Variants in SLC36A1 observed in about 807,000 individuals in gnomAD.
SLC36A1 encodes solute carrier family 36 member 1.
SLC36A1 carries 30 observed loss-of-function variants against 47.5 expected under a neutral mutation model. The ratio of observed to expected loss-of-function variants is 0.63; its 90% confidence interval spans 0.47 to 0.86. The LOEUF (loss-of-function observed/expected upper bound fraction) is 0.86, where lower values mean the gene tolerates loss of function less well. Among genes scored for constraint, SLC36A1 ranks in the 40% least tolerant of loss-of-function variants. The pLI, the probability that SLC36A1 is intolerant of heterozygous loss-of-function variation, is 0.00. For synonymous variants in SLC36A1, 255 were observed against 249.7 expected (o/e 1.02, Z -0.20); for missense variants, 517 against 606.0 (o/e 0.85, Z 1.54).
chr5:151,468,301 T>TATATATATATATATAAA (rs1756858867), intron 7 of SLC36A1, among the ~76,000 whole-genome samples: 3 of 93,406 alleles, frequency 3.2e-5, no homozygotes, highest in Middle Eastern at 6.6e-3. Flanking sequence ...ATATTTTATA[T>TATATATATATATATAAA]ATATATATTT....
At chr5:151,447,435 T>TGA (rs1752994254), upstream of SLC36A1, among the ~76,000 whole-genome samples, 1 of 152,252 alleles carries the variant, frequency 6.6e-6, no homozygotes, top group Non-Finnish European at 1.5e-5. Flanking sequence ...GTTCAGTTCC[T>TGA]ATTCGCAGTC....
the SLC36A1 span, chr5:151,544,156 A>G: frequency 6.2e-7 from 1 of 1,614,168 alleles, no homozygotes; most frequent in Non-Finnish European, 8.5e-7. Context: ...GCTCCCATTG[A>G]TCTGGAAGAA....
At chr5:151,480,526 T>C (rs745696530) in intron 10 of SLC36A1, among the ~76,000 whole-genome samples, 9 of 152,214 alleles carry the variant, frequency 5.9e-5, no homozygotes, top group Admixed American at 2.6e-4. Context: ...CCAGCCTATA[T>C]AGAAACAGCC....
intron 1 of SLC36A1, among the ~76,000 whole-genome samples, chr5:151,438,399 TA>T (rs11322925): frequency 0.22 from 33,068 of 147,520 alleles, 3,967 homozygotes; most frequent in East Asian, 0.53. Context: ...AACTAGAGAT[TA>T]AAAAAAAAAA....
At chr5:151,461,759 C>T (rs909003080) in intron 2 of SLC36A1, among the ~76,000 whole-genome samples, 6 of 152,256 alleles carry the variant, frequency 3.9e-5, no homozygotes, top group Middle Eastern at 3.4e-3. Flanking sequence ...AGAAAAAAGC[C>T]CTTTGCACTT....
At chr5:151,355,443 A>C in the SLC36A1 span, among the ~76,000 whole-genome samples, 1 of 152,226 alleles carries the variant, frequency 6.6e-6, no homozygotes, top group Admixed American at 6.5e-5. Context: ...ATCTATAAAA[A>C]TTTGAAAAAG....
chr5:151,395,614 G>A, the SLC36A1 span, among the ~76,000 whole-genome samples: 1 of 152,170 alleles, frequency 6.6e-6, no homozygotes, highest in East Asian at 1.9e-4. Context: ...CACATGGAAT[G>A]TGAGTTGGTG....
At chr5:151,471,088 G>A (rs1003851211) in intron 7 of SLC36A1, 10 of 152,120 alleles carry the variant, frequency 6.6e-5, no homozygotes, top group Admixed American at 5.9e-4. Context: ...TGATAATATG[G>A]TAAGACCTCA....
chr5:151,505,619 C>G, the SLC36A1 span: 1 of 1,614,172 alleles, frequency 6.2e-7, no homozygotes, highest in Non-Finnish European at 8.5e-7. Context: ...TGTCAGAGCC[C>G]TCATAGTTGG....
At chr5:151,422,404 G>T in the SLC36A1 span, among the ~76,000 whole-genome samples, 1 of 152,160 alleles carries the variant, frequency 6.6e-6, no homozygotes, top group Non-Finnish European at 1.5e-5. Context: ...GATAAGAAAA[G>T]AAACAATCAG....
the SLC36A1 span, among the ~76,000 whole-genome samples, chr5:151,402,088 G>C: frequency 1.7e-4 from 26 of 152,062 alleles, no homozygotes; most frequent in African/African-American, 6.3e-4. Flanking sequence ...GAATGCTTTC[G>C]GCTTTTGCCC....
At chr5:151,396,743 A>C in the SLC36A1 span, among the ~76,000 whole-genome samples, 495 of 152,332 alleles carry the variant, frequency 3.2e-3, 2 homozygotes, top group African/African-American at 0.011. Flanking sequence ...CTATGTGACA[A>C]GCACTGTGCT....
chr5:151,450,495 G>A (rs916702003), intron 1 of SLC36A1, among the ~76,000 whole-genome samples: 13 of 147,192 alleles, frequency 8.8e-5, no homozygotes, highest in African/African-American at 1.5e-4. Flanking sequence ...TGGGATGGAC[G>A]GAACTGGTGT....
At chr5:151,433,942 A>G (rs953555781), upstream of SLC36A1, among the ~76,000 whole-genome samples, 9 of 148,986 alleles carry the variant, frequency 6.0e-5, no homozygotes, top group African/African-American at 2.0e-4. Context: ...CAGAGGATGG[A>G]GTAAAATTGT....
At chr5:151,345,905 A>G in the SLC36A1 span, among the ~76,000 whole-genome samples, 9 of 152,110 alleles carry the variant, frequency 5.9e-5, no homozygotes, top group African/African-American at 2.2e-4. Flanking sequence ...TTATGCTCAA[A>G]TCTCCCAGGA....
the SLC36A1 span, among the ~76,000 whole-genome samples, chr5:151,523,033 C>T: frequency 6.6e-6 from 1 of 152,180 alleles, no homozygotes; most frequent in Non-Finnish European, 1.5e-5. Context: ...GGCTTGCCTT[C>T]TTCTCCTCAG....
intron 10 of SLC36A1, among the ~76,000 whole-genome samples, chr5:151,481,912 C>G (rs1376561936): frequency 6.6e-6 from 1 of 152,216 alleles, no homozygotes; most frequent in African/African-American, 2.4e-5. Flanking sequence ...CCTGTGGAGT[C>G]TGGAGTTGTA....
chr5:151,414,997 C>A, the SLC36A1 span, among the ~76,000 whole-genome samples: 2 of 152,124 alleles, frequency 1.3e-5, no homozygotes, highest in African/African-American at 4.8e-5. Flanking sequence ...TGTTTCCAGG[C>A]AGAGCCTTTG....
chr5:151,344,986 A>C, the SLC36A1 span, among the ~76,000 whole-genome samples: 1 of 152,122 alleles, frequency 6.6e-6, no homozygotes, highest in Non-Finnish European at 1.5e-5. Flanking sequence ...TTCTCAGCCC[A>C]GGGCATCAAG....
Sources: gnomAD v4.1 joint callset for allele counts (sites outside exome capture counted in the v4.1 genomes callset) on GRCh38, gnomAD v4.1.1 for gene constraint, MANE v1.5 for transcripts, NCBI Gene and HGNC (gene_info 2026-07-23, HGNC 2026-07-21) for gene names.